NRG3: variants seen among roughly 807,000 people sequenced by gnomAD.
NRG3 encodes the protein pro-neuregulin-3, membrane-bound isoform.
A neutral mutation model predicts 66.9 loss-of-function variants in NRG3; 31 were observed. The ratio of observed to expected loss-of-function variants is 0.46; its 90% CI spans 0.35 to 0.63. NRG3 has a LOEUF of 0.63. Among genes scored for constraint, NRG3 ranks in the 20% least tolerant of loss-of-function variants. The probability of loss-of-function intolerance (pLI) is 0.00; values close to 1 mark genes in which losing one functional copy is unlikely to be tolerated. For missense variants in NRG3, 910 were observed against 878.9 expected, an observed-to-expected ratio of 1.04 and a Z score of -0.45; for synonymous variants, 393 against 359.4, an observed-to-expected ratio of 1.09 and a Z score of -1.06.
chr10:82,368,578 T>C (rs907709085), intron 2 of NRG3, among the ~76,000 whole-genome samples: 1 of 137,800 alleles, frequency 7.3e-6, no homozygotes, highest in Non-Finnish European at 1.5e-5. Context: ...ACCCTTCAGA[T>C]GTGTCCCCGA....
At chr10:82,444,116 T>C (rs2090588089) in intron 2 of NRG3, among the ~76,000 whole-genome samples, 1 of 152,244 alleles carries the variant, frequency 6.6e-6, no homozygotes, top group South Asian at 2.1e-4. Context: ...TTTGTTTTTG[T>C]TTTTGAGATG....
rs35438768 is a variant in NRG3 at position 82,055,476 on chromosome 10, C to CAA, written c.823+179328_823+179329dup. Among the ~76,000 whole-genome samples the CAA allele has an allele frequency of 9.2e-4, 106 of 115,830 alleles. 1 individual carries two copies. Among genetic ancestry groups the CAA allele is most frequent in the East Asian group, 6.1e-3 (24 of 3,962 alleles). The allele number at this position is 115,830 out of a possible 152,430, so 76.0% of individuals were successfully genotyped here. A position where few individuals can be genotyped will look rare whatever the true frequency, so the allele number is the denominator to read the frequency against. Reference sequence around the variant, plus strand: ...TGGGCGACAGAGTGAGACTCCGTCTCAAAAAAAAAAAAAAAAGAACAACAA... The same window carrying CAA: ...TGGGCGACAGAGTGAGACTCCGTCTCAAAAAAAAAAAAAAAAAAGAACAACAA... On this transcript the variant is annotated intron_variant, in intron 1 of 8. Transcript: ENST00000372141.
chr10:82,079,971 G>C (rs1056933284), intron 1 of NRG3, among the ~76,000 whole-genome samples: 8 of 152,144 alleles, frequency 5.3e-5, no homozygotes, highest in Admixed American at 3.9e-4. Context: ...TGTGTTTTAT[G>C]TTTCAATTTC....
chr10:82,929,183 T>C (rs1847312606), intron 4 of NRG3, among the ~76,000 whole-genome samples: 1 of 152,160 alleles, frequency 6.6e-6, no homozygotes, highest in Non-Finnish European at 1.5e-5. Context: ...AATTATAATG[T>C]CCTCTTCTGC....
chr10:82,179,160 A>G (rs1170273715), intron 1 of NRG3, among the ~76,000 whole-genome samples: 3 of 151,826 alleles, frequency 2.0e-5, no homozygotes, highest in African/African-American at 2.4e-5. Context: ...CCTTTATCAG[A>G]TATATGGTTG....
chr10:81,931,740 C>G (rs940591625), intron 1 of NRG3, among the ~76,000 whole-genome samples: 3 of 152,208 alleles, frequency 2.0e-5, no homozygotes, highest in African/African-American at 7.2e-5. Context: ...CCCAATAGTA[C>G]TTAATTGCCC....
chr10:82,709,218 T>A (rs1274826542), intron 2 of NRG3, among the ~76,000 whole-genome samples: 2 of 152,172 alleles, frequency 1.3e-5, no homozygotes, highest in African/African-American at 2.4e-5. Flanking sequence ...ACTAGCCAAT[T>A]GTGTCTAATG....
chr10:82,028,257 G>C (rs2062407108), intron 1 of NRG3, among the ~76,000 whole-genome samples: 1 of 152,026 alleles, frequency 6.6e-6, no homozygotes, highest in Non-Finnish European at 1.5e-5. Flanking sequence ...CCTGCTTCCA[G>C]ACTTCTGGTC....
At chr10:82,500,938 A>C (rs608159) in intron 2 of NRG3, among the ~76,000 whole-genome samples, 80,592 of 151,946 alleles carry the variant, frequency 0.53, 25,004 homozygotes, top group South Asian at 0.75. Flanking sequence ...ATGGAGTATG[A>C]TTTAGATTTA....
chr10:82,004,972 G>A (rs965318929), intron 1 of NRG3, among the ~76,000 whole-genome samples: 2 of 152,224 alleles, frequency 1.3e-5, no homozygotes, highest in Non-Finnish European at 2.9e-5. Flanking sequence ...CCTAGCAAAT[G>A]AGTACATACT....
At chr10:82,745,619 A>G (rs2058609174) in intron 3 of NRG3, among the ~76,000 whole-genome samples, 1 of 152,172 alleles carries the variant, frequency 6.6e-6, no homozygotes, top group Non-Finnish European at 1.5e-5. Context: ...TGAATCTCAC[A>G]AAACCCATTA....
chr10:82,487,903 C>T (rs915053225), intron 2 of NRG3, among the ~76,000 whole-genome samples: 2 of 152,034 alleles, frequency 1.3e-5, no homozygotes, highest in African/African-American at 4.8e-5. Flanking sequence ...TTTGGGCTTA[C>T]AATGATTAAA....
At chr10:82,807,344 G>A (rs531300950) in intron 3 of NRG3, among the ~76,000 whole-genome samples, 5 of 152,278 alleles carry the variant, frequency 3.3e-5, no homozygotes, top group African/African-American at 9.6e-5. Flanking sequence ...AAACTTGCAA[G>A]GACTCAATAA....
intron 1 of NRG3, among the ~76,000 whole-genome samples, chr10:82,104,289 A>G (rs1233182058): frequency 2.0e-5 from 3 of 152,168 alleles, no homozygotes; most frequent in African/African-American, 4.8e-5. Context: ...TGTGTTAGCT[A>G]TACAGCCATG....
chr10:82,644,675 T>C (rs2050814265), intron 2 of NRG3, among the ~76,000 whole-genome samples: 1 of 152,152 alleles, frequency 6.6e-6, no homozygotes, highest in South Asian at 2.1e-4. Context: ...GCAAAATCAA[T>C]TAAAACTCTA....
At chr10:82,522,661 C>A (rs566054411) in intron 2 of NRG3, among the ~76,000 whole-genome samples, 23 of 151,156 alleles carry the variant, frequency 1.5e-4, no homozygotes, top group African/African-American at 5.6e-4. Context: ...AATGCAATAT[C>A]TGCAAAGTGA....
At chr10:82,559,617 CAGCAGATCTG>C (rs1163097522) in intron 2 of NRG3, among the ~76,000 whole-genome samples, 1 of 152,190 alleles carries the variant, frequency 6.6e-6, no homozygotes, top group Non-Finnish European at 1.5e-5. Context: ...ATGTTTCCTA[CAGCAGATCTG>C]AGCAGCATGT....
intron 1 of NRG3, among the ~76,000 whole-genome samples, chr10:82,101,110 A>C (rs896140340): frequency 1.3e-5 from 2 of 151,916 alleles, no homozygotes; most frequent in African/African-American, 4.8e-5. Context: ...CTATAGACAC[A>C]GACAGATTTG....
At chr10:82,052,738 G>C (rs2063660829) in intron 1 of NRG3, among the ~76,000 whole-genome samples, 1 of 151,986 alleles carries the variant, frequency 6.6e-6, no homozygotes, top group African/African-American at 2.4e-5. Context: ...ATAAATGTTT[G>C]AAAAATATAA....
Sources: allele counts gnomAD v4.1 joint callset (sites outside exome capture counted in the v4.1 genomes callset), GRCh38; gene constraint gnomAD v4.1.1; transcripts MANE v1.5; gene names NCBI Gene and HGNC (gene_info 2026-07-23, HGNC 2026-07-21).